The following MYO16 variants were observed in gnomAD, a reference collection of about 807,000 sequenced individuals.
MYO16 encodes the protein unconventional myosin-XVI.
Under a neutral mutation model 205.3 loss-of-function variants are expected in MYO16, and 94 were observed. The observed-to-expected ratio is 0.46, with a 90% CI of 0.39 to 0.54. The LOEUF is 0.54. Ranked by LOEUF, MYO16 falls within the 20% of genes least tolerant of loss-of-function variation. MYO16 has a pLI of 0.00. For synonymous variants in MYO16, 988 were observed against 954.0 expected (o/e 1.04, Z -0.66); for missense variants, 2,315 against 2,387.5 (o/e 0.97, Z 0.63).
At chr13:108,717,860 T>A (rs1187706937) in intron 3 of MYO16, among the ~76,000 whole-genome samples, 5 of 152,194 alleles carry the variant, frequency 3.3e-5, no homozygotes, top group Non-Finnish European at 7.3e-5. Context: ...AATTATTTTC[T>A]GTTTCCTTTT....
At chr13:108,979,102 T>C (rs1414031311) in intron 20 of MYO16, among the ~76,000 whole-genome samples, 2 of 152,016 alleles carry the variant, frequency 1.3e-5, no homozygotes, top group Non-Finnish European at 2.9e-5. Flanking sequence ...CCTATGCAAA[T>C]TATTTTCAAG....
chr13:108,827,261 A>G (rs1164150375), intron 9 of MYO16, among the ~76,000 whole-genome samples: 2 of 151,966 alleles, frequency 1.3e-5, no homozygotes, highest in East Asian at 3.9e-4. Context: ...TTTTTCCCCC[A>G]GAATATATTT....
intron 1 of MYO16, among the ~76,000 whole-genome samples, chr13:108,659,041 G>T (rs1881371138): frequency 6.6e-6 from 1 of 151,400 alleles, no homozygotes; most frequent in Non-Finnish European, 1.5e-5. Context: ...TAGTTGTACA[G>T]CAGAATAAAT....
chr13:108,887,505 A>G (rs1424959829), intron 13 of MYO16, among the ~76,000 whole-genome samples: 1 of 152,170 alleles, frequency 6.6e-6, no homozygotes, highest in African/African-American at 2.4e-5. Flanking sequence ...AATAATAATT[A>G]TTTTGTGGGA....
Position 109,206,931 on chromosome 13 carries a change from C to G in MYO16, c.*95C>G. 9.2e-7 allele frequency: 1 copy of G among 1,085,666 alleles called. No individual in the cohort carries two copies. The highest frequency in any genetic ancestry group is 2.3e-5 in the Admixed American group (1 of 43,980). 67.3% of individuals were successfully genotyped at this position (1,085,666 alleles called of 1,614,324 possible). On this transcript the variant is annotated 3_prime_UTR_variant, in exon 35 of 35. Coordinates refer to ENST00000457511, the MANE Select transcript of MYO16 (RefSeq NM_001198950.3). ...CCTTCTGACATGCGCTGGGGCTTCT[C>G]TCCACGCATTTAGACAAAAAAAGCA...
chr13:108,636,235 G>A (rs1456629729), intron 1 of MYO16, among the ~76,000 whole-genome samples: 1 of 151,646 alleles, frequency 6.6e-6, no homozygotes, highest in Admixed American at 6.6e-5. Context: ...GATATGATAA[G>A]GTAAATCTCT....
intron 27 of MYO16, among the ~76,000 whole-genome samples, chr13:109,066,494 A>T (rs1200971294): frequency 6.6e-6 from 1 of 152,204 alleles, no homozygotes; most frequent in Non-Finnish European, 1.5e-5. Context: ...AATGTAAAAG[A>T]TGACAGAGGA....
chr13:109,004,399 A>G (rs1885320122), intron 21 of MYO16, among the ~76,000 whole-genome samples: 1 of 152,218 alleles, frequency 6.6e-6, no homozygotes, highest in South Asian at 2.1e-4. Context: ...CCTTTATAAC[A>G]AAATTACCTT....
chr13:108,823,211 T>A lies in MYO16; in HGVS notation c.1030T>A (p.Ser344Thr). 6.2e-7 allele frequency: 1 copy of A among 1,613,322 alleles called. No individual in the cohort carries two copies. The highest frequency in any genetic ancestry group is 1.3e-5 in the African/African-American group (1 of 75,022). The change falls in exon 9 of 35, where the codon TCT (serine) becomes ACT (threonine). Residue 344 changes from serine (S) to threonine (T), a missense_variant. Physicochemically the swap from Ser to Thr is moderately conservative, Grantham distance 58. This residue lies in a region of MYO16 where 1,213 missense variants were observed against 1,274.4 expected (regional missense o/e 0.95). Coordinates refer to ENST00000457511, the MANE Select transcript of MYO16 (RefSeq NM_001198950.3). Reference sequence around the variant, plus strand: ...AAAAATGAAAGAGCCTTTATCTGCTTCTACCTTAGCTCAAGAAGAGCCCTA... The same window carrying A: ...AAAAATGAAAGAGCCTTTATCTGCTACTACCTTAGCTCAAGAAGAGCCCTA... The part of the protein sequence containing the change: ...EEKMKEPLSA[S>T]TLAQEEPYEE...
chr13:109,038,224 A>G (rs1344031647), intron 23 of MYO16, among the ~76,000 whole-genome samples: 2 of 152,172 alleles, frequency 1.3e-5, no homozygotes, highest in African/African-American at 4.8e-5. Context: ...GGATGCCCAG[A>G]TGGCTGCTTG....
At position 109,121,314 on chromosome 13, in the gene MYO16, C is replaced by G. The variant is rs190334686; in HGVS notation, c.3535+848C>G. 1.9e-3 allele frequency among the ~76,000 whole-genome samples: 282 copies of G among 152,246 alleles called. 3 individuals are homozygous for G. The highest frequency in any genetic ancestry group is 6.0e-3 in the African/African-American group (248 of 41,554). On this transcript the variant is annotated intron_variant, in intron 29 of 34. Transcript: ENST00000457511. ...AGGAGGGGAAGAGGTAAGGAGGTGT[C>G]TTCTGATGAAGGTAAAAAGTCTTCT...
At chr13:109,205,855 G>T (rs1880578479) in intron 34 of MYO16, among the ~76,000 whole-genome samples, 1 of 152,150 alleles carries the variant, frequency 6.6e-6, no homozygotes, top group Non-Finnish European at 1.5e-5. Context: ...CCATCTTTGA[G>T]GGCTCAGCGT....
intron 1 of MYO16, among the ~76,000 whole-genome samples, chr13:108,656,093 G>T (rs1322013580): frequency 6.6e-6 from 1 of 152,064 alleles, no homozygotes; most frequent in Non-Finnish European, 1.5e-5. Flanking sequence ...ATGAGATTTG[G>T]AGGGGCTAGG....
At chr13:108,922,708 A>T (rs1302518566) in intron 16 of MYO16, among the ~76,000 whole-genome samples, 1 of 152,220 alleles carries the variant, frequency 6.6e-6, no homozygotes, top group South Asian at 2.1e-4. Context: ...CATATTGTGG[A>T]TATTTAGGTA....
intron 23 of MYO16, among the ~76,000 whole-genome samples, chr13:109,043,220 G>T (rs1254829650): frequency 6.6e-6 from 1 of 152,086 alleles, no homozygotes; most frequent in African/African-American, 2.4e-5. Context: ...AATAGACAAG[G>T]CATTGTGCTG....
intron 16 of MYO16, among the ~76,000 whole-genome samples, chr13:108,930,944 GA>G (rs1321911937): frequency 2.6e-5 from 4 of 152,136 alleles, no homozygotes; most frequent in Non-Finnish European, 4.4e-5. Context: ...TAGATAAATG[GA>G]AATAGTTCTT....
chr13:108,774,173 A>G (rs1356752444), intron 4 of MYO16, among the ~76,000 whole-genome samples: 2 of 152,260 alleles, frequency 1.3e-5, no homozygotes, highest in Non-Finnish European at 2.9e-5. Context: ...TAAATGAAAC[A>G]ATTGACAAGT....
At chr13:108,756,788 C>T (rs1227999550) in intron 4 of MYO16, among the ~76,000 whole-genome samples, 1 of 152,264 alleles carries the variant, frequency 6.6e-6, no homozygotes, top group East Asian at 1.9e-4. Context: ...CTCTCATAGA[C>T]ACAACCAGAA....
intron 4 of MYO16, among the ~76,000 whole-genome samples, chr13:108,778,915 G>GTTGTTTGT (rs139364772): frequency 3.9e-5 from 6 of 152,014 alleles, no homozygotes; most frequent in East Asian, 1.9e-4. Context: ...TGGCTTATCT[G>GTTGTTTGT]TTGTTTGTTT....
Sources: allele counts gnomAD v4.1 joint callset (sites outside exome capture counted in the v4.1 genomes callset), GRCh38; gene constraint gnomAD v4.1.1; regional missense constraint gnomAD v4.1.1; transcripts MANE v1.5; gene names NCBI Gene and HGNC (gene_info 2026-07-23, HGNC 2026-07-21).